Variants in GCDH observed in about 807,000 individuals in gnomAD.
The protein encoded by GCDH is glutaryl-CoA dehydrogenase, mitochondrial.
GCDH carries 31 observed loss-of-function variants against 52.8 expected under a neutral mutation model. The ratio of observed to expected loss-of-function variants is 0.59; its 90% confidence interval spans 0.44 to 0.79. The LOEUF (loss-of-function observed/expected upper bound fraction) is 0.79. GCDH is among the 30% of genes least tolerant of loss of function. GCDH has a pLI of 0.00. For missense variants in GCDH, 509 were observed against 595.0 expected (o/e 0.86, Z 1.50); for synonymous variants, 242 against 250.0 (o/e 0.97, Z 0.30).
chr19:12,897,313 G>A lies in GCDH; in HGVS notation c.967G>A (p.Gly323Ser). The change falls in exon 10 of 12, where the codon GGT becomes AGT. Residue 323 changes from glycine (G) to serine (S), a missense_variant. Coordinates refer to ENST00000222214, the MANE Select transcript of GCDH (RefSeq NM_000159.4). ...RQYALDRMQF[G>S]VPLARNQLIQ... ...CCATTGCCCATGTAGGATGCAGTTT[G>A]GTGTCCCACTGGCCAGGAACCAGCT... is the stretch of plus-strand genomic sequence containing the variant. 1.2e-6 allele frequency: 2 copies of A among 1,613,796 alleles called. No individual in the cohort carries two copies. Among genetic ancestry groups the A allele is most frequent in the Non-Finnish European group, 1.7e-6 (2 of 1,179,992 alleles).
At chr19:12,892,000 G>A in intron 4 of GCDH, 26 bp downstream of exon 4, 1 of 1,614,212 alleles carries the variant, frequency 6.2e-7, no homozygotes, top group East Asian at 2.2e-5. Flanking sequence ...GGTGCCCTGA[G>A]ACTGCTCCTC....
In GCDH at chr19:12,896,394, T is replaced by C; in HGVS notation, c.825T>C (p.Asn275=). 1 of 1,613,754 alleles carries C rather than the reference T, an allele frequency of 6.2e-7. No homozygotes were observed. The highest frequency in any genetic ancestry group is 1.3e-5 in the African/African-American group (1 of 74,996). The stretch of plus-strand genomic sequence containing the variant: ...ACGGTGTGGAGGTGCCAGAGGAGAA[T>C]GTGCTCCCTGGTGCATCCAGCCTGG... ...IMDGVEVPEE[N]VLPGASSLGG... Residue 275 remains asparagine (N), a synonymous_variant, in exon 8 of 12, where the codon AAT becomes AAC. Transcript: ENST00000222214. The surrounding 1 kb of genome is among the most constrained non-coding windows in gnomAD (Gnocchi z 5.5).
chr19:12,892,273 TCTTTTCTTTTC>T, intron 5 of GCDH, 95 bp downstream of exon 5: 1 of 1,093,734 alleles, frequency 9.1e-7, no homozygotes, highest in Non-Finnish European at 1.4e-6. Flanking sequence ...TCCTTCTCTT[TCTTTTCTTTTC>T]CTTTTCTTTC....
Position 12,897,435 on chromosome 19 carries a change from G to T in GCDH, c.1082+7G>T. 1 of 1,613,308 alleles carries T rather than the reference G, an allele frequency of 6.2e-7. No homozygotes were observed. The highest frequency in any genetic ancestry group is 2.2e-5 in the East Asian group (1 of 44,876). ...GCTTGAAGGACCAGGACAAGTAGGG[G>T]CTGTGTGGTGGGGGCGGGGGGATGG... is the stretch of plus-strand genomic sequence containing the variant. On this transcript the variant is annotated splice_region_variant and intron_variant, in intron 10 of 11. Transcript: ENST00000222214.
Position 12,893,169 on chromosome 19 carries a change from G to A in GCDH, c.335-314G>A, listed in dbSNP as rs148336716. On this transcript the variant is annotated intron_variant, in intron 5 of 11. Coordinates refer to ENST00000222214, the MANE Select transcript of GCDH (RefSeq NM_000159.4). The stretch of plus-strand genomic sequence containing the variant: ...CCCAAAGTGCTGGGATTATAAACGT[G>A]AGCCACCGTGCCTGGCCCCTTTGTT... Among the ~76,000 whole-genome samples the A allele has an allele frequency of 2.6e-3, 402 of 152,220 alleles. 2 individuals carry two copies. The highest frequency in any genetic ancestry group is 6.8e-3 in the Middle Eastern group (2 of 294).
chr19:12,898,010 C>T (rs1223236126), intron 11 of GCDH, 147 bp downstream of exon 11: 28 of 705,702 alleles, frequency 4.0e-5, no homozygotes, highest in Middle Eastern at 3.7e-4. Flanking sequence ...CTCTGTCCCT[C>T]ATCTGGAGTT....
rs150271870 is a variant in GCDH at position 12,899,523 on chromosome 19, G to A, written c.1299G>A (p.Ala433=). The change falls in exon 12 of 12, where the codon GCG becomes GCA. Residue 433 remains alanine, a synonymous_variant. Transcript: ENST00000222214. ...GGAGAGCTATCACGGGAATCCAGGC[G>A]TTCACGGCCAGCAAGTGAGCCGCTC... The part of the protein sequence containing the change: ...ILGRAITGIQ[A]FTASK 90 of 1,614,016 alleles carry A rather than the reference G, an allele frequency of 5.6e-5. No individual in the cohort carries two copies. The South Asian group carries it at 5.6e-4, about 10-fold the overall frequency.
Position 12,896,767 on chromosome 19 carries a change from G to C in GCDH, c.853-143G>C, listed in dbSNP as rs1970690679. On this transcript the variant is annotated intron_variant, in intron 8 of 11. Transcript: ENST00000222214. The surrounding 1 kb of genome is among the most constrained non-coding windows in gnomAD (Gnocchi z 5.5). ...GAGCAGGCACCGAGCTTCAGTGCCA[G>C]GGCCATCTGTGATGTGAACCACAAC... 2.8e-6 allele frequency: 2 copies of C among 704,138 alleles called. No homozygotes were observed. The highest frequency in any genetic ancestry group is 1.5e-5 in the South Asian group (1 of 66,864). The allele number at this position is 704,138 out of a possible 1,614,324, so 43.6% of individuals were successfully genotyped here.
intron 6 of GCDH, 38 bp from the exon 7 acceptor site, chr19:12,895,954 G>A: frequency 6.2e-7 from 1 of 1,612,878 alleles, no homozygotes; most frequent in African/African-American, 1.3e-5. Flanking sequence ...GATGTATCAG[G>A]GACCAGGCAG....
At chr19:12,899,185 T>G in intron 11 of GCDH, 1 of 681,138 alleles carries the variant, frequency 1.5e-6, no homozygotes, top group Non-Finnish European at 2.5e-6. Context: ...ACTTGCTACA[T>G]TTTGGGAGTT....
In GCDH at chr19:12,894,007, C is replaced by G. The variant is rs568187939; in HGVS notation, c.505+354C>G. On this transcript the variant is annotated intron_variant, in intron 6 of 11. Coordinates refer to ENST00000222214, the MANE Select transcript of GCDH (RefSeq NM_000159.4). ...CTTGAGCCCAAGAGTTCGAAACCAG[C>G]CTGGGCAACGTAAGGAGACCCCATG... The G allele has an allele frequency of 3.4e-5, 20 of 584,978 alleles. No homozygotes were observed. The East Asian group carries it at 5.8e-4, about 17-fold the overall frequency. 36.2% of individuals were successfully genotyped at this position (584,978 alleles called of 1,614,324 possible).
intron 5 of GCDH, among the ~76,000 whole-genome samples, chr19:12,892,693 C>A (rs915659316): frequency 2.0e-5 from 3 of 151,876 alleles, no homozygotes; most frequent in African/African-American, 4.8e-5. Flanking sequence ...AGTGATTATC[C>A]TGCCTCAGGC....
At chr19:12,897,465 G>A (rs756068802) in intron 10 of GCDH, 37 bp downstream of exon 10, 393 of 1,607,626 alleles carry the variant, frequency 2.4e-4, no homozygotes, top group South Asian at 3.7e-4. Flanking sequence ...GGATGGCAGC[G>A]GTGGCTGGAG....
intron 6 of GCDH, chr19:12,894,851 A>G: frequency 1.9e-6 from 1 of 540,202 alleles, no homozygotes; most frequent in Non-Finnish European, 3.2e-6. Flanking sequence ...GCGAGCTTCC[A>G]CTTCTAAGTC....
Position 12,899,588 on chromosome 19 carries a change from A to G in GCDH, c.*47A>G. 1.2e-6 allele frequency: 2 copies of G among 1,613,866 alleles called. No homozygotes were observed. The highest frequency in any genetic ancestry group is 2.2e-5 in the South Asian group (2 of 91,058). ...AACTCTCAAGCCCCTTTCTGGAGAG[A>G]TGCCTGGCTGGACCGTAGGAGCGCT... On this transcript the variant is annotated 3_prime_UTR_variant, in exon 12 of 12. Coordinates refer to ENST00000222214, the MANE Select transcript of GCDH (RefSeq NM_000159.4).
At position 12,894,100 on chromosome 19, in the gene GCDH, C is replaced by T. The variant is rs1368983846; in HGVS notation, c.505+447C>T. The T allele has an allele frequency of 4.0e-5, 39 of 963,100 alleles. No individual in the cohort carries two copies. The Admixed American group carries it at 4.8e-4, about 12-fold the overall frequency. The allele number at this position is 963,100 out of a possible 1,614,324, so 59.7% of individuals were successfully genotyped here. A position where few individuals can be genotyped will look rare whatever the true frequency, so the allele number is the denominator to read the frequency against. ...CGCTAAGTGGACGTTGGCCCTCTTC[C>T]GTGGTGTCTCGGAGGTGTTCAGCTG... On this transcript the variant is annotated intron_variant, in intron 6 of 11. Coordinates refer to ENST00000222214, the MANE Select transcript of GCDH (RefSeq NM_000159.4).
At chr19:12,891,585 T>C in intron 3 of GCDH, 63 bp downstream of exon 3, 1 of 1,613,788 alleles carries the variant, frequency 6.2e-7, no homozygotes, top group Non-Finnish European at 8.5e-7. Context: ...CTGCCGCAGG[T>C]GGACTCTGTC....
intron 6 of GCDH, chr19:12,894,840 TG>T: frequency 1.8e-6 from 1 of 567,198 alleles, no homozygotes; most frequent in South Asian, 3.0e-5. Flanking sequence ...CTGTCCTCTC[TG>T]CGAGCTTCCA....
intron 6 of GCDH, among the ~76,000 whole-genome samples, chr19:12,895,601 T>C (rs2145948945): frequency 6.6e-6 from 1 of 151,644 alleles, no homozygotes; most frequent in Non-Finnish European, 1.5e-5. Flanking sequence ...TTTCACCATA[T>C]TGGTCAGGCT....
Sources: gnomAD v4.1 joint callset for allele counts (sites outside exome capture counted in the v4.1 genomes callset) on GRCh38, gnomAD v4.1.1 for gene constraint, Gnocchi (gnomAD v3.1) non-coding constraint, MANE v1.5 for transcripts, NCBI Gene and HGNC (gene_info 2026-07-23, HGNC 2026-07-21) for gene names.